The following SSBP1 variants were observed in gnomAD, a reference collection of about 807,000 sequenced individuals.
SSBP1 encodes the protein single stranded DNA binding protein 1, also known as single-stranded DNA-binding protein, mitochondrial.
SSBP1 carries 20 observed loss-of-function variants against 27.0 expected under a neutral mutation model. The observed-to-expected ratio is 0.74, with a 90% CI of 0.52 to 1.08. The LOEUF (loss-of-function observed/expected upper bound fraction) is 1.08. SSBP1 is among the 50% of genes least tolerant of loss of function. SSBP1 has a pLI of 0.00. For synonymous variants in SSBP1, 59 were observed against 59.3 expected, an observed-to-expected ratio of 1.00 and a Z score of 0.02; for missense variants, 137 against 182.4, an observed-to-expected ratio of 0.75 and a Z score of 1.44.
chr7:141,743,692 T>A lies in SSBP1; in HGVS notation c.217T>A (p.Tyr73Asn). The A allele has an allele frequency of 6.2e-7, 1 of 1,614,176 alleles. No homozygotes were observed. Among genetic ancestry groups the A allele is most frequent in the Non-Finnish European group, 8.5e-7 (1 of 1,180,032 alleles). The change falls in exon 4 of 7, where the codon TAC (tyrosine) becomes AAC (asparagine). Residue 73 changes from tyrosine (Y) to asparagine (N), a missense_variant. This residue lies in a region of SSBP1 where 95 missense variants were observed against 152.0 expected (regional missense o/e 0.62). Coordinates refer to ENST00000265304, the MANE Select transcript of SSBP1 (RefSeq NM_003143.3). The stretch of plus-strand genomic sequence containing the variant: ...GTGGCGATCAGGGGATAGTGAAGTT[T>A]ACCAACTGGGTGAGTACAAAAGACT... ...EMWRSGDSEV[Y>N]QLGDVSQKTT...
At chr7:141,749,241 G>C (rs1370825767) in intron 6 of SSBP1, among the ~76,000 whole-genome samples, 1 of 152,098 alleles carries the variant, frequency 6.6e-6, no homozygotes, top group Non-Finnish European at 1.5e-5. Context: ...AAGTACATAG[G>C]TTATATGTGA....
chr7:141,740,563 T>G (rs567569375), intron 2 of SSBP1: 1 of 152,286 alleles, frequency 6.6e-6, no homozygotes, highest in South Asian at 2.1e-4. Context: ...TGGGAATAAT[T>G]TTACATAACT....
chr7:141,743,064 A>G (rs1032104938), intron 3 of SSBP1, among the ~76,000 whole-genome samples: 3 of 152,340 alleles, frequency 2.0e-5, no homozygotes, highest in African/African-American at 4.8e-5. Flanking sequence ...CGTGTTAGCC[A>G]GCATGGTCTC....
chr7:141,738,982 G>C (rs1799398040), intron 1 of SSBP1, 142 bp from the exon 2 acceptor site: 3 of 472,968 alleles, frequency 6.3e-6, no homozygotes, highest in Non-Finnish European at 1.1e-5. Flanking sequence ...ATCCTCATCA[G>C]ATGTGCAGGA....
At chr7:141,745,414 A>T (rs939530670) in intron 5 of SSBP1, 82 bp from the exon 6 acceptor site, 6 of 1,177,366 alleles carry the variant, frequency 5.1e-6, no homozygotes, top group Non-Finnish European at 5.9e-6. Context: ...CATCCTTGTC[A>T]TATACTCAGT....
intron 2 of SSBP1, chr7:141,739,926 T>C (rs867284766): frequency 8.5e-5 from 13 of 152,228 alleles, no homozygotes; most frequent in African/African-American, 3.1e-4. Context: ...ATGTGAAACA[T>C]GAAAAAGTTA....
chr7:141,745,932 A>G (rs1350347411), intron 6 of SSBP1: 4 of 1,024,484 alleles, frequency 3.9e-6, no homozygotes, highest in South Asian at 9.0e-5. Flanking sequence ...GTATGCCAAG[A>G]TAAGAATTAC....
intron 1 of SSBP1, 41 bp from the exon 2 acceptor site, chr7:141,739,083 A>G: frequency 1.6e-6 from 2 of 1,239,506 alleles, no homozygotes; most frequent in South Asian, 1.4e-5. Flanking sequence ...CTTTTGCCAT[A>G]AGAGGTAATG....
chr7:141,747,705 A>T (rs891853822), intron 6 of SSBP1, among the ~76,000 whole-genome samples: 2 of 151,366 alleles, frequency 1.3e-5, no homozygotes, highest in Non-Finnish European at 2.9e-5. Flanking sequence ...ATTTTTTAAA[A>T]ATTGATTTTT....
intron 6 of SSBP1, 67 bp downstream of exon 6, chr7:141,745,651 A>C (rs756498655): frequency 6.3e-7 from 1 of 1,592,546 alleles, no homozygotes; most frequent in Non-Finnish European, 8.6e-7. Context: ...GCTTGGCTAC[A>C]CTGTAACTAA....
At chr7:141,746,861 A>T (rs1331267731) in intron 6 of SSBP1, among the ~76,000 whole-genome samples, 2 of 152,230 alleles carry the variant, frequency 1.3e-5, no homozygotes, top group South Asian at 4.1e-4. Flanking sequence ...TATCAATGGA[A>T]TCTAAATAGC....
intron 3 of SSBP1, among the ~76,000 whole-genome samples, chr7:141,743,021 A>T (rs1336699748): frequency 2.0e-5 from 3 of 152,046 alleles, no homozygotes; most frequent in Non-Finnish European, 4.4e-5. Context: ...CGCCCAGCTA[A>T]TTTTTTGTAT....
chr7:141,748,564 A>G (rs1287981887), intron 6 of SSBP1, among the ~76,000 whole-genome samples: 1 of 152,212 alleles, frequency 6.6e-6, no homozygotes, highest in Non-Finnish European at 1.5e-5. Context: ...GTGGGTCCCA[A>G]TATAAACCAC....
At chr7:141,748,001 A>T (rs1225857539) in intron 6 of SSBP1, among the ~76,000 whole-genome samples, 1 of 147,690 alleles carries the variant, frequency 6.8e-6, no homozygotes, top group African/African-American at 2.6e-5. Context: ...CTCTCAAAAA[A>T]AAAAAAAAAA....
At chr7:141,747,822 A>G (rs954379758) in intron 6 of SSBP1, among the ~76,000 whole-genome samples, 3 of 150,174 alleles carry the variant, frequency 2.0e-5, no homozygotes, top group Non-Finnish European at 4.5e-5. Flanking sequence ...ACATGGTGAA[A>G]CCCTGTCTCT....
intron 2 of SSBP1, chr7:141,741,396 C>G (rs1316700140): frequency 6.6e-6 from 1 of 152,234 alleles, no homozygotes; most frequent in Non-Finnish European, 1.5e-5. Flanking sequence ...CCACAGAACT[C>G]TACTAGTCCT....
chr7:141,745,343 C>T (rs1162042369), intron 5 of SSBP1, among the ~76,000 whole-genome samples, 153 bp from the exon 6 acceptor site: 4 of 152,176 alleles, frequency 2.6e-5, no homozygotes, highest in Non-Finnish European at 5.9e-5. Flanking sequence ...TGTTTCAGTA[C>T]TCCTAATCCT....
At chr7:141,747,383 A>ATT (rs1320451586) in intron 6 of SSBP1, among the ~76,000 whole-genome samples, 4,569 of 94,420 alleles carry the variant, frequency 0.048, 181 homozygotes, top group East Asian at 0.21. Context: ...CCCAAATTAG[A>ATT]TTTTTTTTTT....
At chr7:141,740,854 T>C (rs1485080153) in intron 2 of SSBP1, 1 of 152,224 alleles carries the variant, frequency 6.6e-6, no homozygotes, top group Non-Finnish European at 1.5e-5. Flanking sequence ...GTAGGTATTA[T>C]GTATCATAAT....
Sources: gnomAD v4.1 joint callset for allele counts (sites outside exome capture counted in the v4.1 genomes callset) on GRCh38, gnomAD v4.1.1 for gene constraint, gnomAD v4.1.1 regional missense constraint, MANE v1.5 for transcripts, NCBI Gene and HGNC (gene_info 2026-07-23, HGNC 2026-07-21) for gene names.